The following PTPRD variants were observed in gnomAD, a reference collection of about 807,000 sequenced individuals.
PTPRD encodes receptor-type tyrosine-protein phosphatase delta.
Under a neutral mutation model 214.5 loss-of-function variants are expected in PTPRD, and 34 were observed. That is an observed-to-expected ratio of 0.16 (90% CI 0.12 to 0.21). PTPRD has a LOEUF of 0.21. Ranked by LOEUF, PTPRD falls within the 10% of genes least tolerant of loss-of-function variation. The probability of loss-of-function intolerance (pLI) is 1.00; values close to 1 mark genes in which losing one functional copy is unlikely to be tolerated. For missense variants in PTPRD, 2,545 were observed against 2,398.7 expected, an observed-to-expected ratio of 1.06 and a Z score of -1.27; for synonymous variants, 1,128 against 845.7, an observed-to-expected ratio of 1.33 and a Z score of -5.79.
intron 2 of PTPRD, among the ~76,000 whole-genome samples, chr9:10,349,784 T>C (rs1166433789): frequency 2.6e-5 from 4 of 152,160 alleles, no homozygotes; most frequent in African/African-American, 9.7e-5. Context: ...TAATTCTAAG[T>C]ACCCATGAAT....
intron 35 of PTPRD, among the ~76,000 whole-genome samples, chr9:8,427,936 G>C (rs1203684215): frequency 6.6e-6 from 1 of 152,082 alleles, no homozygotes; most frequent in Non-Finnish European, 1.5e-5. Context: ...ATAAGTAATA[G>C]TTACTAAGAC....
intron 3 of PTPRD, among the ~76,000 whole-genome samples, chr9:10,074,502 G>T (rs1410332359): frequency 6.6e-6 from 1 of 152,088 alleles, no homozygotes; most frequent in Non-Finnish European, 1.5e-5. Flanking sequence ...TTTTTAAAAG[G>T]TGTGAGAACA....
intron 2 of PTPRD, among the ~76,000 whole-genome samples, chr9:10,358,403 A>G (rs1164718721): frequency 2.0e-5 from 3 of 151,986 alleles, no homozygotes; most frequent in Non-Finnish European, 4.4e-5. Context: ...TACATCTTAT[A>G]GGGTATTATA....
chr9:10,380,043 T>G (rs963457570), intron 2 of PTPRD, among the ~76,000 whole-genome samples: 4 of 152,054 alleles, frequency 2.6e-5, no homozygotes, highest in Non-Finnish European at 2.9e-5. Context: ...CACAGCAAGC[T>G]GGAAATGCTG....
In PTPRD at chr9:9,766,980, C is replaced by G. The variant is rs113921177; in HGVS notation, c.-367-129G>C. 7.0e-4 allele frequency: 105 copies of G among 150,882 alleles called. 1 individual carries two copies. The highest frequency in any genetic ancestry group is 2.5e-3 in the African/African-American group (101 of 41,090). The allele number at this position is 150,882 out of a possible 1,614,324, so 9.3% of individuals were successfully genotyped here. ...TCATTGCTCATATTGTGTATCTTCC[C>G]ATTAATTTCAAAAAGATGTCTTATC... On this transcript the variant is annotated intron_variant, in intron 5 of 45. Coordinates refer to ENST00000381196, the MANE Select transcript of PTPRD (RefSeq NM_002839.4).
intron 12 of PTPRD, among the ~76,000 whole-genome samples, chr9:8,669,404 T>A (rs959066796): frequency 6.6e-6 from 1 of 152,048 alleles, no homozygotes; most frequent in African/African-American, 2.4e-5. Flanking sequence ...TAAGACCCAA[T>A]ATGCAGTCCA....
intron 2 of PTPRD, among the ~76,000 whole-genome samples, chr9:10,461,337 G>T (rs1028999495): frequency 6.6e-6 from 1 of 151,398 alleles, no homozygotes; most frequent in Non-Finnish European, 1.5e-5. Flanking sequence ...ATTAAAAATA[G>T]AACTACCATT....
chr9:8,446,014 G>A (rs1203031910), intron 34 of PTPRD, among the ~76,000 whole-genome samples: 1 of 152,176 alleles, frequency 6.6e-6, no homozygotes, highest in South Asian at 2.1e-4. Flanking sequence ...CAGTGTCAGA[G>A]AGTGACTTGA....
chr9:9,668,553 A>G lies in PTPRD; in HGVS notation c.-287+65980T>C, dbSNP rs560809140. Among the ~76,000 whole-genome samples the G allele has an allele frequency of 2.6e-5, 4 of 152,236 alleles. No individual in the cohort carries two copies. In the East Asian group the frequency reaches 7.7e-4, roughly 29 times the overall value. On this transcript the variant is annotated intron_variant, in intron 7 of 45. Coordinates refer to ENST00000381196, the MANE Select transcript of PTPRD (RefSeq NM_002839.4). ...GATTGGCCATTTTTTTTCCCACTGA[A>G]ATTATAAACTAACTCTTAACTTCTT...
intron 3 of PTPRD, among the ~76,000 whole-genome samples, chr9:10,150,840 ACAGT>A (rs1313871844): frequency 6.6e-6 from 1 of 152,042 alleles, no homozygotes; most frequent in Non-Finnish European, 1.5e-5. Flanking sequence ...GTTTAAAAGA[ACAGT>A]CAGTCCACAA....
Position 9,545,970 on chromosome 9 carries a change from G to T in PTPRD, c.-237+28762C>A, listed in dbSNP as rs545991298. Among the ~76,000 whole-genome samples, 75 of 151,566 alleles carry T rather than the reference G, an allele frequency of 4.9e-4. 1 individual carries two copies. The Middle Eastern group carries it at 0.014, about 27-fold the overall frequency. On this transcript the variant is annotated intron_variant, in intron 8 of 45. Transcript: ENST00000381196. The stretch of plus-strand genomic sequence containing the variant: ...TTTTAATTTTTTTTATTCTATCAGG[G>T]TTTTTCAGTTTCTCACATAGATCTT...
chr9:8,857,844 G>T (rs754112211), intron 11 of PTPRD: 1 of 155,320 alleles, frequency 6.4e-6, no homozygotes, highest in Non-Finnish European at 1.4e-5. Flanking sequence ...TCCAGAGCGA[G>T]GAAGTGGAAG....
intron 3 of PTPRD, among the ~76,000 whole-genome samples, chr9:10,292,399 G>C (rs1212934487): frequency 6.6e-6 from 1 of 152,030 alleles, no homozygotes; most frequent in East Asian, 1.9e-4. Context: ...TATATACAAT[G>C]GATCATGTTA....
chr9:8,916,284 G>C (rs952393720), intron 11 of PTPRD, among the ~76,000 whole-genome samples: 1 of 152,160 alleles, frequency 6.6e-6, no homozygotes, highest in Non-Finnish European at 1.5e-5. Flanking sequence ...GAGAGAGAGA[G>C]AGAGAAGTCC....
At chr9:9,994,698 T>A (rs968804332) in intron 4 of PTPRD, among the ~76,000 whole-genome samples, 4 of 152,114 alleles carry the variant, frequency 2.6e-5, no homozygotes, top group African/African-American at 9.7e-5. Flanking sequence ...ACCATGTGCA[T>A]CTTAAACAAT....
intron 11 of PTPRD, among the ~76,000 whole-genome samples, chr9:9,017,206 C>A (rs1239591058): frequency 6.6e-6 from 1 of 152,110 alleles, no homozygotes; most frequent in East Asian, 1.9e-4. Context: ...AAACGAACAA[C>A]CATACTTTTC....
At chr9:10,069,316 C>A (rs1435817695) in intron 3 of PTPRD, among the ~76,000 whole-genome samples, 1 of 151,910 alleles carries the variant, frequency 6.6e-6, no homozygotes, top group East Asian at 1.9e-4. Context: ...AGAAGTTGTT[C>A]CCTTTGTGAT....
chr9:9,884,299 A>C (rs969450414), intron 5 of PTPRD, among the ~76,000 whole-genome samples: 8 of 152,050 alleles, frequency 5.3e-5, no homozygotes. Context: ...TGTTGTTCAG[A>C]ATTTTGTTTT....
At chr9:8,755,214 T>C (rs2093888028) in intron 11 of PTPRD, among the ~76,000 whole-genome samples, 1 of 149,672 alleles carries the variant, frequency 6.7e-6, no homozygotes, top group African/African-American at 2.5e-5. Flanking sequence ...TTAGATGTTA[T>C]TATTAAAAAA....
Sources: allele counts gnomAD v4.1 joint callset (sites outside exome capture counted in the v4.1 genomes callset), GRCh38; gene constraint gnomAD v4.1.1; transcripts MANE v1.5; gene names NCBI Gene and HGNC (gene_info 2026-07-23, HGNC 2026-07-21).